The following IGF2BP1 variants were observed in gnomAD, a reference collection of about 807,000 sequenced individuals.
IGF2BP1 encodes insulin like growth factor 2 mRNA binding protein 1, also known as insulin-like growth factor 2 mRNA-binding protein 1.
In IGF2BP1, 11 loss-of-function variants were observed where a neutral mutation model predicts 74.9. That is an observed-to-expected ratio of 0.15 (90% CI 0.09 to 0.24). The LOEUF (loss-of-function observed/expected upper bound fraction) is 0.24. IGF2BP1 is among the 10% of genes least tolerant of loss of function. IGF2BP1 has a pLI of 1.00. For missense variants in IGF2BP1, 440 were observed against 757.4 expected (o/e 0.58, Z 4.92); for synonymous variants, 287 against 281.8 (o/e 1.02, Z -0.18).
intron 4 of IGF2BP1, among the ~76,000 whole-genome samples, chr17:49,029,010 T>G (rs183758673): frequency 1.4e-4 from 22 of 152,280 alleles, no homozygotes; most frequent in African/African-American, 5.3e-4. Flanking sequence ...TTTCACCATA[T>G]TGGCCAGGCT....
rs2042218501 is a variant in IGF2BP1, at chr17:49,055,532, G to A, written c.*6088G>A. 3 of 397,032 alleles carry A rather than the reference G, an allele frequency of 7.6e-6. No homozygotes were observed. The highest frequency in any genetic ancestry group is 4.1e-5 in the African/African-American group (2 of 48,604). The allele number at this position is 397,032 out of a possible 1,614,324, so 24.6% of individuals were successfully genotyped here. On this transcript the variant is annotated 3_prime_UTR_variant, in exon 15 of 15. Transcript: ENST00000290341. ...ACTTCCCGGCTGTGGGGGCTGGGGA[G>A]CCACTTGTAACATTTCTGTGCAGAT...
chr17:49,009,701 C>G (rs2041593002), intron 2 of IGF2BP1, among the ~76,000 whole-genome samples: 1 of 148,290 alleles, frequency 6.7e-6, no homozygotes, highest in South Asian at 2.2e-4. Flanking sequence ...AAGAGCGAAA[C>G]TCCATCTTAA....
intron 5 of IGF2BP1, among the ~76,000 whole-genome samples, chr17:49,033,026 A>G (rs902409728): frequency 6.6e-6 from 1 of 152,172 alleles, no homozygotes; most frequent in South Asian, 2.1e-4. Context: ...CATGTTGCCC[A>G]AGCTGGTCTC....
intron 2 of IGF2BP1, among the ~76,000 whole-genome samples, chr17:49,024,366 T>C (rs1364013175): frequency 6.6e-6 from 1 of 152,036 alleles, no homozygotes; most frequent in African/African-American, 2.4e-5. Flanking sequence ...GTGAGCTGTG[T>C]TTATGCCACT....
In IGF2BP1 at chr17:49,055,245, A is replaced by G. The variant is rs540899944; in HGVS notation, c.*5801A>G. ...TCCCAAGCTTTTTTTTCCCCCATAAATAAGTTTCACTCTTTGGCGATTTTC... is the reference window on the plus strand; with the variant it reads ...TCCCAAGCTTTTTTTTCCCCCATAAGTAAGTTTCACTCTTTGGCGATTTTC... On this transcript the variant is annotated 3_prime_UTR_variant, in exon 15 of 15. Coordinates refer to ENST00000290341, the MANE Select transcript of IGF2BP1 (RefSeq NM_006546.4). 61 of 164,882 alleles carry G rather than the reference A, an allele frequency of 3.7e-4. No individual in the cohort carries two copies. The highest frequency in any genetic ancestry group is 7.4e-4 in the Non-Finnish European group (57 of 76,548). 10.2% of individuals were successfully genotyped at this position (164,882 alleles called of 1,614,324 possible).
At chr17:49,002,680 TTATTAA>T (rs2041500698) in intron 2 of IGF2BP1, among the ~76,000 whole-genome samples, 1 of 152,030 alleles carries the variant, frequency 6.6e-6, no homozygotes, top group South Asian at 2.1e-4. Context: ...AAAGGTTTTC[TTATTAA>T]TATTAGGTTA....
rs2042076086 is a variant in IGF2BP1 at position 49,043,543 on chromosome 17, C to T, written c.1193C>T (p.Ser398Phe). Reference sequence around the variant, plus strand: ...GTTACTGGGGCTGCTCCCTATAGCTCCTTTATGGTAGGTGGAAGATCTTAT... The same window carrying T: ...GTTACTGGGGCTGCTCCCTATAGCTTCTTTATGGTAGGTGGAAGATCTTAT... Reference protein sequence around the residue: ...SSVTGAAPYSSFMQAPEQEMV... With the variant: ...SSVTGAAPYSFFMQAPEQEMV... The change falls in exon 10 of 15, where the codon TCC (serine) becomes TTC (phenylalanine). Residue 398 changes from serine (S) to phenylalanine (F), a missense_variant. This residue lies in a region of IGF2BP1 where 31 missense variants were observed against 27.0 expected (regional missense o/e 1.15). Coordinates refer to ENST00000290341, the MANE Select transcript of IGF2BP1 (RefSeq NM_006546.4). 6.2e-7 allele frequency: 1 copy of T among 1,613,898 alleles called. No homozygotes were observed. Among genetic ancestry groups the T allele is most frequent in the Non-Finnish European group, 8.5e-7 (1 of 1,179,938 alleles).
At chr17:49,019,924 A>G (rs1427969846) in intron 2 of IGF2BP1, among the ~76,000 whole-genome samples, 1,036 of 61,480 alleles carry the variant, frequency 0.017, 52 homozygotes, top group African/African-American at 0.079. Flanking sequence ...ATATATATAT[A>G]TATATATATA....
chr17:49,034,773 A>AC (rs1475681272), intron 5 of IGF2BP1, among the ~76,000 whole-genome samples: 2 of 151,570 alleles, frequency 1.3e-5, no homozygotes, highest in African/African-American at 4.9e-5. Flanking sequence ...AACAAAAAAA[A>AC]CGAAAAACCA....
At chr17:49,004,193 C>T (rs1364970246) in intron 2 of IGF2BP1, among the ~76,000 whole-genome samples, 3 of 152,200 alleles carry the variant, frequency 2.0e-5, no homozygotes, top group Non-Finnish European at 4.4e-5. Context: ...GACTTCCCCT[C>T]TCAGATCCCT....
chr17:49,013,225 CCAAA>C (rs35297686), intron 2 of IGF2BP1, among the ~76,000 whole-genome samples: 31,540 of 152,000 alleles, frequency 0.21, 3,383 homozygotes, highest in African/African-American at 0.26. Context: ...ATTCTCACCC[CCAAA>C]CAAATGTCCT....
chr17:49,000,703 G>C (rs891444867), intron 2 of IGF2BP1, among the ~76,000 whole-genome samples: 15 of 152,128 alleles, frequency 9.9e-5, no homozygotes, highest in African/African-American at 3.6e-4. Flanking sequence ...TTTTGCTCTT[G>C]AGGATGGTTT....
intron 2 of IGF2BP1, among the ~76,000 whole-genome samples, chr17:49,007,369 C>T (rs535251583): frequency 6.6e-6 from 1 of 152,316 alleles, no homozygotes; most frequent in South Asian, 2.1e-4. Context: ...CAGAACCCAC[C>T]TTTATGCCCA....
chr17:49,017,486 A>G (rs1396665909), intron 2 of IGF2BP1, among the ~76,000 whole-genome samples: 3 of 152,190 alleles, frequency 2.0e-5, no homozygotes, highest in African/African-American at 7.2e-5. Flanking sequence ...AGTTAACCCA[A>G]TATATAAAAA....
rs2042014225 is a variant in IGF2BP1 at position 49,038,578 on chromosome 17, A to G, written c.683+129A>G. ...TTAGGAAATGTTGCCTGGAGCATTCAGGGGTCCCTGCTTCCAATACCAGCC... is the reference window on the plus strand; with the variant it reads ...TTAGGAAATGTTGCCTGGAGCATTCGGGGGTCCCTGCTTCCAATACCAGCC... On this transcript the variant is annotated intron_variant, in intron 6 of 14. Transcript: ENST00000290341. 5.1e-6 allele frequency: 5 copies of G among 980,678 alleles called. No individual in the cohort carries two copies. In the East Asian group the frequency reaches 1.6e-4, roughly 31 times the overall value. 60.7% of individuals were successfully genotyped at this position (980,678 alleles called of 1,614,324 possible). A position where few individuals can be genotyped will look rare whatever the true frequency, so the allele number is the denominator to read the frequency against.
At chr17:49,036,164 A>T (rs2144104082) in intron 5 of IGF2BP1, among the ~76,000 whole-genome samples, 1 of 152,222 alleles carries the variant, frequency 6.6e-6, no homozygotes, top group Non-Finnish European at 1.5e-5. Flanking sequence ...AAATGGCTGT[A>T]ATTTTGAAAG....
At chr17:49,037,517 G>A (rs150606492) in intron 5 of IGF2BP1, 309 of 202,552 alleles carry the variant, frequency 1.5e-3, no homozygotes, top group Middle Eastern at 4.6e-3. Flanking sequence ...ATGGACTCAA[G>A]AATGTGTGTT....
intron 2 of IGF2BP1, among the ~76,000 whole-genome samples, chr17:49,005,822 G>C (rs1315807575): frequency 6.6e-6 from 1 of 151,990 alleles, no homozygotes; most frequent in Non-Finnish European, 1.5e-5. Context: ...AGCACTTCTG[G>C]AGGCCGAATA....
At chr17:49,030,754 G>C (rs2041912426) in intron 4 of IGF2BP1, among the ~76,000 whole-genome samples, 1 of 151,974 alleles carries the variant, frequency 6.6e-6, no homozygotes, top group African/African-American at 2.4e-5. Context: ...AGCCTCCCAA[G>C]TAGCTGGGAC....
Sources: allele counts gnomAD v4.1 joint callset (sites outside exome capture counted in the v4.1 genomes callset), GRCh38; gene constraint gnomAD v4.1.1; regional missense constraint gnomAD v4.1.1; transcripts MANE v1.5; gene names NCBI Gene and HGNC (gene_info 2026-07-23, HGNC 2026-07-21).